PCLO: variants seen among roughly 807,000 people sequenced by gnomAD.
PCLO encodes protein piccolo.
In PCLO, 82 loss-of-function variants were observed where a neutral mutation model predicts 427.5. The observed-to-expected ratio is 0.19, with a 90% CI of 0.16 to 0.23. PCLO has a LOEUF of 0.23. PCLO is among the 10% of genes least tolerant of loss of function. PCLO has a pLI of 1.00. For missense variants in PCLO, 6,239 were observed against 6,115.9 expected (o/e 1.02, Z -0.67); for synonymous variants, 2,357 against 2,155.4 (o/e 1.09, Z -2.59).
intron 3 of PCLO, among the ~76,000 whole-genome samples, chr7:83,087,052 G>T (rs1485029027): frequency 1.6e-5 from 2 of 126,032 alleles, no homozygotes; most frequent in Non-Finnish European, 3.2e-5. Flanking sequence ...GGAACGTCAC[G>T]CACTGGGGCC....
At chr7:82,886,062 T>C (rs1436008033) in intron 9 of PCLO, among the ~76,000 whole-genome samples, 1 of 151,940 alleles carries the variant, frequency 6.6e-6, no homozygotes, top group East Asian at 1.9e-4. Context: ...AACCAAATAA[T>C]AAAAGAGAAA....
intron 9 of PCLO, among the ~76,000 whole-genome samples, chr7:82,886,989 T>C (rs535046629): frequency 6.6e-6 from 1 of 152,330 alleles, no homozygotes; most frequent in South Asian, 2.1e-4. Flanking sequence ...TATTATTTTA[T>C]GTTTAGTGTA....
chr7:82,953,580 G>T lies in PCLO; in HGVS notation c.7373C>A (p.Ala2458Asp). ...PVTTATPLFD[A>D]VTTLETTAVL... ...AGCTGTGGTCTCTAGAGTAGTAACA[G>T]CATCAAACAGAGGTGTAGCTGTAGT... Residue 2458 changes from alanine (A) to aspartate (D), a missense_variant, in exon 5 of 25, where the codon GCT becomes GAT. By Grantham distance (126) the Ala-to-Asp change is moderately radical (BLOSUM62 -2). This residue lies in a region of PCLO where 4,677 missense variants were observed against 4,468.4 expected (regional missense o/e 1.05). Transcript: ENST00000333891. 1.2e-6 allele frequency: 2 copies of T among 1,612,596 alleles called. No homozygotes were observed.
chr7:82,950,438 A>G lies in PCLO; in HGVS notation c.10150T>C (p.Tyr3384His). ...YTVQSDGVTQ[Y>H]IAPPGILSTV... is the part of the protein sequence containing the mutation. The stretch of plus-strand genomic sequence containing the variant: ...CTCAGGATACCAGGTGGGGCAATGT[A>G]CTGAGTAACACCATCAGACTGAACG... The change falls in exon 6 of 25, where the codon TAC becomes CAC. Residue 3384 changes from tyrosine to histidine, a missense_variant. Physicochemically the swap from Tyr to His is moderately conservative, Grantham distance 83. This residue lies in a region of PCLO where 4,677 missense variants were observed against 4,468.4 expected (regional missense o/e 1.05). Coordinates refer to ENST00000333891, the MANE Select transcript of PCLO (RefSeq NM_033026.6). The G allele has an allele frequency of 1.2e-6, 2 of 1,613,754 alleles. No individual in the cohort carries two copies. The highest frequency in any genetic ancestry group is 2.2e-5 in the East Asian group (1 of 44,828).
Position 82,793,869 on chromosome 7 carries a change from C to T in PCLO, c.15007+7649G>A, listed in dbSNP as rs368097245. ...GGTATGCTTCTATGTGGTTAATTCGCTATTTTGGTGGAGCATATCTTCAAG... is the reference window on the plus strand; with the variant it reads ...GGTATGCTTCTATGTGGTTAATTCGTTATTTTGGTGGAGCATATCTTCAAG... On this transcript the variant is annotated intron_variant, in intron 22 of 24. Coordinates refer to ENST00000333891, the MANE Select transcript of PCLO (RefSeq NM_033026.6). 5.3e-5 allele frequency among the ~76,000 whole-genome samples: 8 copies of T among 152,078 alleles called. 1 individual carries two copies. Among genetic ancestry groups the T allele is most frequent in the Admixed American group, 3.9e-4 (6 of 15,266 alleles).
intron 20 of PCLO, among the ~76,000 whole-genome samples, chr7:82,818,789 C>T (rs1791729532): frequency 6.6e-6 from 1 of 152,192 alleles, no homozygotes; most frequent in Non-Finnish European, 1.5e-5. Context: ...ATAACTACCT[C>T]ATCCACTTAA....
At chr7:82,872,991 C>G (rs1014670382) in intron 10 of PCLO, among the ~76,000 whole-genome samples, 2 of 151,936 alleles carry the variant, frequency 1.3e-5, no homozygotes, top group Non-Finnish European at 2.9e-5. Flanking sequence ...AAAAGTATAA[C>G]CCGAATTAAG....
At chr7:82,940,712 T>C (rs1382494377) in intron 6 of PCLO, among the ~76,000 whole-genome samples, 1 of 151,530 alleles carries the variant, frequency 6.6e-6, no homozygotes, top group African/African-American at 2.4e-5. Flanking sequence ...AAAAATATAC[T>C]GAGACATCAG....
chr7:83,031,768 C>G (rs919147363), intron 3 of PCLO, among the ~76,000 whole-genome samples: 9 of 151,356 alleles, frequency 5.9e-5, no homozygotes, highest in Admixed American at 4.6e-4. Flanking sequence ...CACACACACA[C>G]GCTCACACAC....
Position 82,956,455 on chromosome 7 carries a change from C to G in PCLO, c.4498G>C (p.Val1500Leu), listed in dbSNP as rs372304800. The change falls in exon 5 of 25, where the codon GTT (valine) becomes CTT (leucine). Residue 1500 changes from valine to leucine, a missense_variant. Coordinates refer to ENST00000333891, the MANE Select transcript of PCLO (RefSeq NM_033026.6). ...SKDHKEKSEF[V>L]DDITTRREPY... ...TCTCTTCTAGTAGTTATGTCATCAACAAACTCAGACTTCTCTTTATGGTCC... is the reference window on the plus strand; with the variant it reads ...TCTCTTCTAGTAGTTATGTCATCAAGAAACTCAGACTTCTCTTTATGGTCC... 8 of 1,613,680 alleles carry G rather than the reference C, an allele frequency of 5.0e-6. No individual in the cohort carries two copies. Among genetic ancestry groups the G allele is most frequent in the Non-Finnish European group, 6.8e-6 (8 of 1,179,812 alleles).
At chr7:82,785,608 C>A (rs886846840) in intron 22 of PCLO, among the ~76,000 whole-genome samples, 1 of 152,044 alleles carries the variant, frequency 6.6e-6, no homozygotes, top group African/African-American at 2.4e-5. Flanking sequence ...GGGTGATTGG[C>A]GCAATGATGG....
chr7:83,124,627 A>G (rs1057507833), intron 3 of PCLO, among the ~76,000 whole-genome samples: 1 of 152,186 alleles, frequency 6.6e-6, no homozygotes, highest in Non-Finnish European at 1.5e-5. Flanking sequence ...AGCTAAATGT[A>G]GAACTACTAT....
chr7:83,155,180 T>C lies in PCLO; in HGVS notation c.1461A>G (p.Ala487=), dbSNP rs756905210. 3.1e-6 allele frequency: 5 copies of C among 1,601,486 alleles called. No individual in the cohort carries two copies. The highest frequency in any genetic ancestry group is 4.2e-6 in the Non-Finnish European group (5 of 1,178,074). Reference sequence around the variant, plus strand: ...AGCCAGGCTGTTGAGGTGGGGGCTTTGCTGGGCCAGGCTGTTGAGGTGGGG... The same window carrying C: ...AGCCAGGCTGTTGAGGTGGGGGCTTCGCTGGGCCAGGCTGTTGAGGTGGGG... The part of the protein sequence containing the change: ...AKPPPQQPGP[A]KPPPQQPGSA... Residue 487 remains alanine, a synonymous_variant, in exon 2 of 25, where the codon GCA becomes GCG. Coordinates refer to ENST00000333891, the MANE Select transcript of PCLO (RefSeq NM_033026.6).
At chr7:82,887,073 C>G (rs1414215159) in intron 9 of PCLO, among the ~76,000 whole-genome samples, 2 of 152,150 alleles carry the variant, frequency 1.3e-5, no homozygotes, top group African/African-American at 4.8e-5. Context: ...TGCAAAGTTT[C>G]TCCTATGTGT....
intron 10 of PCLO, among the ~76,000 whole-genome samples, chr7:82,859,286 G>T (rs1005627155): frequency 1.3e-5 from 2 of 152,190 alleles, no homozygotes; most frequent in Admixed American, 6.5e-5. Flanking sequence ...GGTTATAGCA[G>T]GCCTTGGGCA....
intron 9 of PCLO, among the ~76,000 whole-genome samples, chr7:82,894,867 T>C (rs560598891): frequency 2.4e-4 from 36 of 152,132 alleles, no homozygotes; most frequent in African/African-American, 8.4e-4. Context: ...GTTCTCAATA[T>C]ATCCCTGGGT....
At chr7:82,991,758 A>G (rs1796381378) in intron 3 of PCLO, among the ~76,000 whole-genome samples, 1 of 152,140 alleles carries the variant, frequency 6.6e-6, no homozygotes, top group South Asian at 2.1e-4. Context: ...TCATGTTGCT[A>G]TGGAACAACT....
At chr7:82,914,643 T>C (rs760861109) in intron 7 of PCLO, 43 bp downstream of exon 7, 1 of 1,588,326 alleles carries the variant, frequency 6.3e-7, no homozygotes, top group Admixed American at 1.7e-5. Flanking sequence ...AAAATAAGAG[T>C]TTGAGTTTTG....
rs199828894 is a variant in PCLO at position 82,953,175 on chromosome 7, G to A, written c.7778C>T (p.Thr2593Ile). 9.9e-6 allele frequency: 16 copies of A among 1,613,948 alleles called. No individual in the cohort carries two copies. The highest frequency in any genetic ancestry group is 1.7e-5 in the Admixed American group (1 of 60,006). Residue 2593 changes from threonine (T) to isoleucine (I), a missense_variant, in exon 5 of 25, where the codon ACA becomes ATA. This residue lies in a region of PCLO where 4,677 missense variants were observed against 4,468.4 expected (regional missense o/e 1.05). Coordinates refer to ENST00000333891, the MANE Select transcript of PCLO (RefSeq NM_033026.6). ...ITLPSEPGTPTDSSASQAITS... is the reference protein window; with the variant it reads ...ITLPSEPGTPIDSSASQAITS... ...AATTGCTTGACTAGCAGAAGAATCT[G>A]TTGGAGTCCCTGGTTCAGATGGCAA...
Sources: gnomAD v4.1 joint callset for allele counts (sites outside exome capture counted in the v4.1 genomes callset) on GRCh38, gnomAD v4.1.1 for gene constraint, gnomAD v4.1.1 regional missense constraint, MANE v1.5 for transcripts, NCBI Gene and HGNC (gene_info 2026-07-23, HGNC 2026-07-21) for gene names.